TESMIN: variants seen among roughly 807,000 people sequenced by gnomAD.
TESMIN encodes the protein CXC domain containing 2.
A neutral mutation model predicts 47.4 loss-of-function variants in TESMIN; 34 were observed. That is an observed-to-expected ratio of 0.72 (90% CI 0.55 to 0.96). The LOEUF is 0.96. TESMIN is among the 40% of genes least tolerant of loss of function. The probability of loss-of-function intolerance (pLI) is 0.00; values close to 1 mark genes in which losing one functional copy is unlikely to be tolerated. For synonymous variants in TESMIN, 278 were observed against 258.9 expected (o/e 1.07, Z -0.71); for missense variants, 610 against 637.2 (o/e 0.96, Z 0.46).
rs1372768221 is a variant in TESMIN at position 68,750,708 on chromosome 11, C to T, written c.-39-9G>A. The T allele has an allele frequency of 4.4e-6, 6 of 1,361,460 alleles. No homozygotes were observed. The highest frequency in any genetic ancestry group is 5.8e-6 in the Non-Finnish European group (6 of 1,034,632). 84.3% of individuals were successfully genotyped at this position (1,361,460 alleles called of 1,614,324 possible). A position where few individuals can be genotyped will look rare whatever the true frequency, so the allele number is the denominator to read the frequency against. ...TGGCGGGGGCCGCGCACCTGCAACA[C>T]GCGGCCAGGTGAGAGGCAGCCAGAG... is the stretch of plus-strand genomic sequence containing the variant. On this transcript the variant is annotated splice_polypyrimidine_tract_variant and intron_variant, in intron 1 of 9. Coordinates refer to ENST00000255087, the MANE Select transcript of TESMIN (RefSeq NM_004923.3).
chr11:68,747,342 T>C lies in TESMIN; in HGVS notation c.496A>G (p.Thr166Ala), dbSNP rs1415708503. 6.2e-7 allele frequency: 1 copy of C among 1,613,286 alleles called. No homozygotes were observed. Among genetic ancestry groups the C allele is most frequent in the Non-Finnish European group, 8.5e-7 (1 of 1,179,290 alleles). The stretch of plus-strand genomic sequence containing the variant: ...TCTTCCGGATTATTACTTGTAGTAG[T>C]ACCACCTGCTTCCTTGATTTCAACC... ...IPVEIKEAGG[T>A]TTSNNPEEAT... is the part of the protein sequence containing the mutation. Residue 166 changes from threonine (T) to alanine (A), a missense_variant, in exon 3 of 10, where the codon ACT (threonine) becomes GCT (alanine). Coordinates refer to ENST00000255087, the MANE Select transcript of TESMIN (RefSeq NM_004923.3).
chr11:68,729,803 A>G (rs551118390), intron 6 of TESMIN, among the ~76,000 whole-genome samples: 5 of 152,220 alleles, frequency 3.3e-5, no homozygotes, highest in Non-Finnish European at 7.3e-5. Flanking sequence ...GATCTAGAAT[A>G]TTCCATAAAC....
At chr11:68,710,767 G>C (rs750763848) in intron 9 of TESMIN, 107 bp downstream of exon 9, 1 of 1,114,150 alleles carries the variant, frequency 9.0e-7, no homozygotes, top group African/African-American at 1.6e-5. Context: ...ACACACGCCC[G>C]CCCCTGCAGG....
intron 3 of TESMIN, among the ~76,000 whole-genome samples, chr11:68,745,568 G>A (rs113076685): frequency 5.1e-4 from 77 of 152,290 alleles, no homozygotes; most frequent in African/African-American, 1.6e-3. Flanking sequence ...CCCTGGGCAC[G>A]CACTTAAAAT....
Position 68,717,767 on chromosome 11 carries a change from G to A in TESMIN, c.918-1828C>T, listed in dbSNP as rs1946157216. 3.9e-5 allele frequency among the ~76,000 whole-genome samples: 6 copies of A among 152,288 alleles called. No homozygotes were observed. The South Asian group carries it at 1.2e-3, about 32-fold the overall frequency. ...CTCTGCAGGAAGGCATGAGTCCCCA[G>A]ATGACTCCTCCTTCCTAAGCAGCTG... On this transcript the variant is annotated intron_variant, in intron 6 of 9. Coordinates refer to ENST00000255087, the MANE Select transcript of TESMIN (RefSeq NM_004923.3).
At chr11:68,719,653 T>A (rs1372918390) in intron 6 of TESMIN, among the ~76,000 whole-genome samples, 1 of 152,242 alleles carries the variant, frequency 6.6e-6, no homozygotes, top group African/African-American at 2.4e-5. Flanking sequence ...GGTACTACTA[T>A]GTTTTGTCAT....
Position 68,750,328 on chromosome 11 carries a change from G to A in TESMIN, c.333C>T (p.Leu111=), listed in dbSNP as rs774681071. The A allele has an allele frequency of 3.3e-6, 5 of 1,508,904 alleles. No homozygotes were observed. Among genetic ancestry groups the A allele is most frequent in the Admixed American group, 2.2e-5 (1 of 45,670 alleles). 93.5% of individuals were successfully genotyped at this position (1,508,904 alleles called of 1,614,324 possible). The change falls in exon 2 of 10, where the codon CTC becomes CTT. Residue 111 remains leucine, a synonymous_variant. Coordinates refer to ENST00000255087, the MANE Select transcript of TESMIN (RefSeq NM_004923.3). ...AGGCGGGCGGCTGCGGGGCCTGCAGGAGCGCGACGTCCTCCAGCGCGCTGA... is the reference window on the plus strand; with the variant it reads ...AGGCGGGCGGCTGCGGGGCCTGCAGAAGCGCGACGTCCTCCAGCGCGCTGA... ...PELSALEDVA[L]LQAPQPPACN... is the part of the protein sequence containing the mutation.
At chr11:68,732,139 G>C (rs1366657683) in intron 6 of TESMIN, among the ~76,000 whole-genome samples, 2 of 152,226 alleles carry the variant, frequency 1.3e-5, no homozygotes, top group East Asian at 3.9e-4. Flanking sequence ...ACTTCGTGGA[G>C]AAGGCATCTC....
intron 6 of TESMIN, among the ~76,000 whole-genome samples, chr11:68,724,649 T>C (rs188866754): frequency 6.6e-6 from 1 of 152,280 alleles, no homozygotes; most frequent in East Asian, 1.9e-4. Flanking sequence ...TCTTCCCCAG[T>C]GTCTGGAAGA....
chr11:68,746,354 G>A (rs184240733), intron 3 of TESMIN, among the ~76,000 whole-genome samples: 261 of 152,144 alleles, frequency 1.7e-3, no homozygotes, highest in African/African-American at 6.0e-3. Flanking sequence ...CTGCTTTTAG[G>A]GTCCTAGAAA....
At chr11:68,718,562 G>T in intron 6 of TESMIN, among the ~76,000 whole-genome samples, 1 of 152,196 alleles carries the variant, frequency 6.6e-6, no homozygotes, top group East Asian at 1.9e-4. Flanking sequence ...AAGAATGAAG[G>T]GGATACAATA....
chr11:68,746,811 G>A (rs994486172), intron 3 of TESMIN, among the ~76,000 whole-genome samples: 4 of 152,160 alleles, frequency 2.6e-5, no homozygotes, highest in African/African-American at 4.8e-5. Context: ...CCCTATACAA[G>A]CGTTACCTGT....
At chr11:68,735,057 T>G (rs908355052) in intron 6 of TESMIN, among the ~76,000 whole-genome samples, 4 of 152,210 alleles carry the variant, frequency 2.6e-5, no homozygotes, top group Non-Finnish European at 5.9e-5. Context: ...AGAGCTCCCA[T>G]TTTAGAGGTA....
At position 68,736,082 on chromosome 11, in the gene TESMIN, C is replaced by T. The variant is rs1019959297; in HGVS notation, c.917+2618G>A. 4.0e-5 allele frequency: 39 copies of T among 985,194 alleles called. No individual in the cohort carries two copies. The Admixed American group carries it at 2.0e-3, about 51-fold the overall frequency. 61.0% of individuals were successfully genotyped at this position (985,194 alleles called of 1,614,324 possible). ...TCAGAAAAGCATTCTAAACAAACTA[C>T]ACCACAACAAGATAACCTCATCTTT... On this transcript the variant is annotated intron_variant, in intron 6 of 9. Transcript: ENST00000255087.
intron 6 of TESMIN, among the ~76,000 whole-genome samples, chr11:68,728,285 T>C (rs1180849110): frequency 6.6e-6 from 1 of 152,192 alleles, no homozygotes; most frequent in Non-Finnish European, 1.5e-5. Flanking sequence ...ACTGCTGACA[T>C]GAAGCAAGCC....
At chr11:68,714,264 T>A (rs1240150832) in intron 7 of TESMIN, among the ~76,000 whole-genome samples, 1 of 152,222 alleles carries the variant, frequency 6.6e-6, no homozygotes, top group Non-Finnish European at 1.5e-5. Flanking sequence ...AGCCCCAGCC[T>A]GCGGTGCGCG....
intron 5 of TESMIN, among the ~76,000 whole-genome samples, chr11:68,740,343 A>G (rs1371706794): frequency 6.6e-5 from 10 of 152,316 alleles, no homozygotes; most frequent in Non-Finnish European, 1.2e-4. Context: ...GAAGCAGCAA[A>G]TGCATTGCTA....
Position 68,737,007 on chromosome 11 carries a change from G to A in TESMIN, c.917+1693C>T, listed in dbSNP as rs930877841. On this transcript the variant is annotated intron_variant, in intron 6 of 9. Transcript: ENST00000255087. ...AGTATGAGAAGTATCAAATGTCCTT[G>A]AATGTTCTAGACACAATACAGCACA... The A allele has an allele frequency of 6.1e-6, 6 of 985,256 alleles. No individual in the cohort carries two copies. The South Asian group carries it at 1.4e-4, about 23-fold the overall frequency. The allele number at this position is 985,256 out of a possible 1,614,324, so 61.0% of individuals were successfully genotyped here. A position where few individuals can be genotyped will look rare whatever the true frequency, so the allele number is the denominator to read the frequency against.
chr11:68,705,269 C>G (rs577903270), downstream of TESMIN, among the ~76,000 whole-genome samples: 1 of 152,344 alleles, frequency 6.6e-6, no homozygotes, highest in South Asian at 2.1e-4. Context: ...ATCATTTTAT[C>G]TTGGATGAGG....
Sources: allele counts gnomAD v4.1 joint callset (sites outside exome capture counted in the v4.1 genomes callset), GRCh38; gene constraint gnomAD v4.1.1; transcripts MANE v1.5; gene names NCBI Gene and HGNC (gene_info 2026-07-23, HGNC 2026-07-21).